The following ESRRG variants were observed in gnomAD, a reference collection of about 807,000 sequenced individuals.
ESRRG encodes the protein estrogen related receptor gamma.
In ESRRG, 13 loss-of-function variants were observed where a neutral mutation model predicts 44.0. That is an observed-to-expected ratio of 0.30 (90% CI 0.19 to 0.47). The LOEUF is 0.47. Among genes scored for constraint, ESRRG ranks in the 20% least tolerant of loss-of-function variants. ESRRG has a pLI of 1.00. For synonymous variants in ESRRG, 215 were observed against 214.6 expected (o/e 1.00, Z -0.02); for missense variants, 395 against 580.6 (o/e 0.68, Z 3.29).
chr1:216,563,486 C>T (rs1201580658), intron 5 of ESRRG, among the ~76,000 whole-genome samples: 1 of 152,104 alleles, frequency 6.6e-6, no homozygotes, highest in African/African-American at 2.4e-5. Context: ...AATAAGTTAA[C>T]TGTACCAGAA....
intron 1 of ESRRG, among the ~76,000 whole-genome samples, chr1:217,125,405 A>C (rs529307351): frequency 6.6e-6 from 1 of 152,328 alleles, no homozygotes; most frequent in Non-Finnish European, 1.5e-5. Context: ...TAGTGAAGAA[A>C]TCTGTTGAAT....
rs193274733 is a variant in ESRRG, at chr1:216,942,741, C to A, written c.-105-3068G>T. Reference sequence around the variant, plus strand: ...GAGATATGTCTGTTTATGTTCTTAGCCCAATTTTTAATGGGGCCATTTGTT... The same window carrying A: ...GAGATATGTCTGTTTATGTTCTTAGACCAATTTTTAATGGGGCCATTTGTT... On this transcript the variant is annotated intron_variant, in intron 1 of 7. Transcript: ENST00000359162. 5.3e-5 allele frequency among the ~76,000 whole-genome samples: 8 copies of A among 152,200 alleles called. No individual in the cohort carries two copies. The East Asian group carries it at 1.4e-3, about 26-fold the overall frequency.
rs74143433 is a variant in ESRRG at position 216,518,968 on chromosome 1, T to C, written c.1132+184A>G. Among the ~76,000 whole-genome samples the C allele has an allele frequency of 5.7e-3, 871 of 152,302 alleles. 7 individuals carry two copies. The highest frequency in any genetic ancestry group is 0.02 in the African/African-American group (825 of 41,572). ...CATTCAATAAGCAAGTCAAATGAAA[T>C]TAATTCCCTTTAAGTATATTTTTCT... is the stretch of plus-strand genomic sequence containing the variant. On this transcript the variant is annotated intron_variant, in intron 6 of 6. Coordinates refer to ENST00000408911, the MANE Select transcript of ESRRG (RefSeq NM_001438.4).
At chr1:216,846,284 A>C (rs966042705) in intron 2 of ESRRG, among the ~76,000 whole-genome samples, 6 of 152,146 alleles carry the variant, frequency 3.9e-5, no homozygotes, top group African/African-American at 1.4e-4. Flanking sequence ...ATTTCACTAT[A>C]GGGATTTATT....
intron 1 of ESRRG, among the ~76,000 whole-genome samples, chr1:217,109,713 C>T (rs1417407315): frequency 6.6e-6 from 1 of 152,112 alleles, no homozygotes; most frequent in African/African-American, 2.4e-5. Context: ...CTAAGTACTC[C>T]AGATGGAAGG....
At chr1:216,925,196 T>C (rs925943862) in intron 2 of ESRRG, among the ~76,000 whole-genome samples, 1 of 152,124 alleles carries the variant, frequency 6.6e-6, no homozygotes, top group African/African-American at 2.4e-5. Context: ...CTCAGCACTT[T>C]GGGAGGCCGA....
At chr1:216,606,951 A>G (rs1207172308) in intron 3 of ESRRG, among the ~76,000 whole-genome samples, 1 of 152,214 alleles carries the variant, frequency 6.6e-6, no homozygotes, top group African/African-American at 2.4e-5. Context: ...GTTAACAGAG[A>G]AAGGTAATTT....
At chr1:217,102,823 G>A (rs1026528330) in intron 1 of ESRRG, among the ~76,000 whole-genome samples, 4 of 152,116 alleles carry the variant, frequency 2.6e-5, no homozygotes, top group East Asian at 1.9e-4. Flanking sequence ...AATGTGTCCT[G>A]TAGAGGTACA....
intron 2 of ESRRG, among the ~76,000 whole-genome samples, chr1:216,822,931 T>C (rs1270572992): frequency 1.3e-5 from 2 of 152,212 alleles, no homozygotes; most frequent in Non-Finnish European, 1.5e-5. Context: ...CCAAAAACAA[T>C]GCTCCCATCT....
In ESRRG at chr1:216,798,213, T is replaced by C. The variant is rs189078116; in HGVS notation, c.-13-120722A>G. ...GTCTGCAACCTCCCAGGCATTGTAT[T>C]AGCTTTAGAAACACAACAGTAAGCC... On this transcript the variant is annotated intron_variant, in intron 2 of 7. Transcript: ENST00000359162. Among the ~76,000 whole-genome samples the C allele has an allele frequency of 1.4e-3, 212 of 152,272 alleles. 1 individual carries two copies. Among genetic ancestry groups the C allele is most frequent in the Non-Finnish European group, 2.3e-3 (159 of 68,026 alleles).
At chr1:216,550,853 TG>T (rs1435232349) in intron 5 of ESRRG, among the ~76,000 whole-genome samples, 3 of 152,200 alleles carry the variant, frequency 2.0e-5, no homozygotes, top group African/African-American at 7.2e-5. Context: ...AAAATCCAAA[TG>T]GTTTCAGAAC....
chr1:216,988,980 G>A (rs889683243), intron 1 of ESRRG, among the ~76,000 whole-genome samples: 1 of 152,132 alleles, frequency 6.6e-6, no homozygotes, highest in Non-Finnish European at 1.5e-5. Flanking sequence ...CTTTAATTGG[G>A]ATTACAACAA....
At chr1:217,076,568 A>G (rs971822523) in intron 1 of ESRRG, among the ~76,000 whole-genome samples, 1 of 152,208 alleles carries the variant, frequency 6.6e-6, no homozygotes, top group African/African-American at 2.4e-5. Context: ...CTCTGAAGTT[A>G]GGACACAGCA....
intron 2 of ESRRG, among the ~76,000 whole-genome samples, chr1:216,762,529 G>T (rs1008591261): frequency 9.9e-5 from 14 of 141,914 alleles, no homozygotes; most frequent in African/African-American, 3.7e-4. Context: ...CACAGGAAGG[G>T]GAACATCACA....
At chr1:216,645,557 G>T (rs1332149003) in intron 3 of ESRRG, among the ~76,000 whole-genome samples, 1 of 151,890 alleles carries the variant, frequency 6.6e-6, no homozygotes, top group East Asian at 1.9e-4. Flanking sequence ...GTATTAGGTA[G>T]ACGAGAAATC....
At chr1:216,804,610 C>G (rs1187683735) in intron 2 of ESRRG, among the ~76,000 whole-genome samples, 1 of 151,982 alleles carries the variant, frequency 6.6e-6, no homozygotes, top group East Asian at 1.9e-4. Context: ...TAGGAGCAAT[C>G]ATTTAATTGC....
intron 2 of ESRRG, among the ~76,000 whole-genome samples, chr1:216,736,075 G>A (rs1039786369): frequency 6.7e-6 from 1 of 149,204 alleles, no homozygotes; most frequent in African/African-American, 2.5e-5. Flanking sequence ...ATGAGAACAG[G>A]GGGGGAGTTT....
chr1:217,012,488 C>T (rs1446990002), intron 1 of ESRRG, among the ~76,000 whole-genome samples: 1 of 152,142 alleles, frequency 6.6e-6, no homozygotes, highest in African/African-American at 2.4e-5. Context: ...TAGCTCCTAA[C>T]TAGATAGTAT....
Position 216,683,679 on chromosome 1 carries a change from C to T in ESRRG, c.57-6188G>A, listed in dbSNP as rs74923613. On this transcript the variant is annotated intron_variant, in intron 1 of 6. Coordinates refer to ENST00000408911, the MANE Select transcript of ESRRG (RefSeq NM_001438.4). ...GGAAATTCAGTACAAGTAATCAAGACCTTCAACTCATTTCTGGCTGATCAT... is the reference window on the plus strand; with the variant it reads ...GGAAATTCAGTACAAGTAATCAAGATCTTCAACTCATTTCTGGCTGATCAT... Among the ~76,000 whole-genome samples the T allele has an allele frequency of 4.4e-3, 671 of 152,278 alleles. 2 individuals are homozygous for T. The highest frequency in any genetic ancestry group is 0.014 in the African/African-American group (572 of 41,550).
Sources: gnomAD v4.1 joint callset for allele counts (sites outside exome capture counted in the v4.1 genomes callset) on GRCh38, gnomAD v4.1.1 for gene constraint, MANE v1.5 for transcripts, NCBI Gene and HGNC (gene_info 2026-07-23, HGNC 2026-07-21) for gene names.